The following VIT variants were observed in gnomAD, a reference collection of about 807,000 sequenced individuals.
VIT encodes the protein vitrin.
A neutral mutation model predicts 78.0 loss-of-function variants in VIT; 99 were observed. The ratio of observed to expected loss-of-function variants is 1.27; its 90% CI spans 1.08 to 1.50. The LOEUF is 1.50. Ranked by LOEUF, VIT falls within the 40% of genes most tolerant of loss-of-function variation. The probability of loss-of-function intolerance (pLI) is 0.00; values close to 1 mark genes in which losing one functional copy is unlikely to be tolerated. For synonymous variants in VIT, 374 were observed against 334.3 expected (o/e 1.12, Z -1.29); for missense variants, 1,126 against 875.3 (o/e 1.29, Z -3.61).
intron 12 of VIT, among the ~76,000 whole-genome samples, chr2:36,798,785 A>T (rs953347628): frequency 6.6e-6 from 1 of 152,118 alleles, no homozygotes; most frequent in Non-Finnish European, 1.5e-5. Context: ...TAAAATTTTT[A>T]AAAAATGAAC....
At chr2:36,770,414 A>G (rs1294812416) in intron 7 of VIT, among the ~76,000 whole-genome samples, 1 of 152,234 alleles carries the variant, frequency 6.6e-6, no homozygotes, top group East Asian at 1.9e-4. Flanking sequence ...AGGAAGACAC[A>G]GGGGTTCTTC....
chr2:36,755,137 T>A, intron 5 of VIT, 83 bp downstream of exon 5: 1 of 1,412,346 alleles, frequency 7.1e-7, no homozygotes, highest in Non-Finnish European at 9.4e-7. Flanking sequence ...GGTTTTTGTT[T>A]ATGGCCCACC....
At chr2:36,709,385 C>G (rs1222676031) in intron 1 of VIT, among the ~76,000 whole-genome samples, 1 of 152,110 alleles carries the variant, frequency 6.6e-6, no homozygotes, top group Admixed American at 6.6e-5. Flanking sequence ...TCTACCTCAT[C>G]GGGTTGTTGT....
At chr2:36,704,020 T>A (rs28420099) in intron 1 of VIT, among the ~76,000 whole-genome samples, 2 of 150,366 alleles carry the variant, frequency 1.3e-5, no homozygotes. Context: ...TGCCTTCCGG[T>A]GTTTGACTGA....
chr2:36,726,401 AC>A (rs1666847758), intron 2 of VIT, among the ~76,000 whole-genome samples: 1 of 152,248 alleles, frequency 6.6e-6, no homozygotes, highest in African/African-American at 2.4e-5. Context: ...TCACATGAAT[AC>A]CTGTATACAT....
In VIT at chr2:36,703,037, C is replaced by T. The variant is rs565554326; in HGVS notation, c.-19+6064C>T. 5.9e-5 allele frequency among the ~76,000 whole-genome samples: 9 copies of T among 152,264 alleles called. No individual in the cohort carries two copies. In the South Asian group the frequency reaches 1.7e-3, roughly 28 times the overall value. ...CAGAGAGTTCTGATTGCCACAAGCT[C>T]TTCCCCTCTCCTGTAGAGGACTTAA... On this transcript the variant is annotated intron_variant, in intron 1 of 15. Coordinates refer to ENST00000379242, the MANE Select transcript of VIT (RefSeq NM_053276.4).
chr2:36,708,110 T>TCCCCCCC (rs141908586), intron 1 of VIT, among the ~76,000 whole-genome samples: 18 of 137,774 alleles, frequency 1.3e-4, no homozygotes, highest in Non-Finnish European at 1.9e-4. Context: ...GTAAAGGACC[T>TCCCCCCC]CCCCCCCCCG....
At chr2:36,716,489 C>A in intron 2 of VIT, 67 bp downstream of exon 2, 1 of 1,496,018 alleles carries the variant, frequency 6.7e-7, no homozygotes, top group Non-Finnish European at 9.3e-7. Context: ...AGAATCTAGC[C>A]AAGAAAAGTT....
intron 1 of VIT, among the ~76,000 whole-genome samples, chr2:36,699,697 G>T (rs1394450895): frequency 6.6e-6 from 1 of 152,064 alleles, no homozygotes; most frequent in Admixed American, 6.5e-5. Flanking sequence ...GTGTACTGGA[G>T]ACTGTGGGTC....
At chr2:36,728,154 C>A (rs1666968855) in intron 2 of VIT, among the ~76,000 whole-genome samples, 1 of 152,112 alleles carries the variant, frequency 6.6e-6, no homozygotes, top group African/African-American at 2.4e-5. Context: ...TCGTCTCAAA[C>A]TCCTGACCTC....
rs137974351 is a variant in VIT at position 36,806,447 on chromosome 2, T to C, written c.1389+783T>C. 2.0e-5 allele frequency among the ~76,000 whole-genome samples: 3 copies of C among 152,308 alleles called. No homozygotes were observed. In the East Asian group the frequency reaches 5.8e-4, roughly 29 times the overall value. On this transcript the variant is annotated intron_variant, in intron 14 of 15. Coordinates refer to ENST00000379242, the MANE Select transcript of VIT (RefSeq NM_053276.4). Reference sequence around the variant, plus strand: ...GGCTCTTATTTCATTGCCTCTTGCCTTTTTTCTACCCTCAATGTTGACCTC... The same window carrying C: ...GGCTCTTATTTCATTGCCTCTTGCCCTTTTTCTACCCTCAATGTTGACCTC...
chr2:36,757,773 A>T (rs1356978068), intron 5 of VIT, among the ~76,000 whole-genome samples: 2 of 152,232 alleles, frequency 1.3e-5, no homozygotes, highest in South Asian at 2.1e-4. Context: ...TTTCCATTAG[A>T]TGTCTACAAT....
At chr2:36,773,601 C>T (rs190703559) in intron 7 of VIT, among the ~76,000 whole-genome samples, 190 bp from the exon 8 acceptor site, 37 of 152,196 alleles carry the variant, frequency 2.4e-4, no homozygotes, top group African/African-American at 6.5e-4. Flanking sequence ...CCTAGTGGTA[C>T]GCACCTGTAA....
intron 6 of VIT, 54 bp from the exon 7 acceptor site, chr2:36,767,040 A>G: frequency 6.8e-7 from 1 of 1,475,376 alleles, no homozygotes; most frequent in South Asian, 1.4e-5. Context: ...TTCTAGTTCT[A>G]TAAGAGTGTA....
chr2:36,716,351 A>G lies in VIT; in HGVS notation c.-18-2A>G, dbSNP rs201330794. On this transcript the variant is annotated splice_acceptor_variant, in intron 1 of 15. Coordinates refer to ENST00000379242, the MANE Select transcript of VIT (RefSeq NM_053276.4). LOFTEE classifies it low-confidence loss of function (5UTR_SPLICE). ...ATGACGTTATTGTTTCTTTCTCTCCAGGGTGTCATTCTGATATTTATGAGG... is the reference window on the plus strand; with the variant it reads ...ATGACGTTATTGTTTCTTTCTCTCCGGGGTGTCATTCTGATATTTATGAGG... The G allele has an allele frequency of 3.7e-6, 6 of 1,612,768 alleles. No individual in the cohort carries two copies. Among genetic ancestry groups the G allele is most frequent in the Non-Finnish European group, 5.1e-6 (6 of 1,179,108 alleles).
chr2:36,699,516 T>TTTTATATATATATA (rs10661448), intron 1 of VIT, among the ~76,000 whole-genome samples: 73 of 148,960 alleles, frequency 4.9e-4, no homozygotes, highest in South Asian at 1.3e-3. Flanking sequence ...TTAGAGGGGG[T>TTTTATATATATATA]TATATATATA....
At chr2:36,765,364 C>G (rs1445675952) in intron 6 of VIT, among the ~76,000 whole-genome samples, 1 of 150,964 alleles carries the variant, frequency 6.6e-6, no homozygotes, top group Non-Finnish European at 1.5e-5. Context: ...CCTCATGAAA[C>G]ATACAATCAT....
At chr2:36,773,954 T>C (rs1453022198) in intron 8 of VIT, 107 bp downstream of exon 8, 3 of 1,173,672 alleles carry the variant, frequency 2.6e-6, no homozygotes, top group Non-Finnish European at 3.4e-6. Flanking sequence ...CAAGGACTAT[T>C]AAACCACTTA....
chr2:36,811,264 G>C (rs558369553), intron 15 of VIT, among the ~76,000 whole-genome samples: 24 of 152,334 alleles, frequency 1.6e-4, no homozygotes, highest in African/African-American at 5.5e-4. Context: ...AGATGGGCCA[G>C]CTTTGACGGC....
Sources: gnomAD v4.1 joint callset for allele counts (sites outside exome capture counted in the v4.1 genomes callset) on GRCh38, gnomAD v4.1.1 for gene constraint, MANE v1.5 for transcripts, NCBI Gene and HGNC (gene_info 2026-07-23, HGNC 2026-07-21) for gene names.